Variants in ABR observed in about 807,000 individuals in gnomAD.
ABR encodes ABR activator of RhoGEF and GTPase.
In ABR, 35 loss-of-function variants were observed where a neutral mutation model predicts 107.2. The observed-to-expected ratio is 0.33, with a 90% CI of 0.25 to 0.43. The LOEUF is 0.43. Ranked by LOEUF, ABR falls within the 20% of genes least tolerant of loss-of-function variation. The pLI is 1.00. For synonymous variants in ABR, 498 were observed against 462.0 expected (o/e 1.08, Z -1.00); for missense variants, 815 against 1,115.2 (o/e 0.73, Z 3.83).
intron 1 of ABR, among the ~76,000 whole-genome samples, chr17:1,170,986 T>A (rs2041689601): frequency 6.6e-6 from 1 of 151,360 alleles, no homozygotes; most frequent in African/African-American, 2.4e-5. Flanking sequence ...CCCAGAGGGG[T>A]CTCTCTCCTA....
At chr17:1,160,723 C>T (rs952439620) in intron 1 of ABR, among the ~76,000 whole-genome samples, 13 of 152,190 alleles carry the variant, frequency 8.5e-5, no homozygotes, top group Admixed American at 5.9e-4. Context: ...GGGCCACCCC[C>T]GAGGAGCTCA....
intron 16 of ABR, among the ~76,000 whole-genome samples, chr17:1,021,773 G>A (rs1258677574): frequency 2.0e-5 from 3 of 149,736 alleles, no homozygotes; most frequent in Admixed American, 6.6e-5. Context: ...TTGTGCCACT[G>A]CACTCCAGCC....
At chr17:1,040,853 C>T (rs771059138) in intron 16 of ABR, among the ~76,000 whole-genome samples, 2 of 152,366 alleles carry the variant, frequency 1.3e-5, no homozygotes, top group African/African-American at 2.4e-5. Context: ...GAAAGCTAGA[C>T]TCAGCCCCGC....
intron 1 of ABR, among the ~76,000 whole-genome samples, chr17:1,218,197 C>CA (rs2043051070): frequency 6.6e-6 from 1 of 152,180 alleles, no homozygotes; most frequent in Admixed American, 6.5e-5. Context: ...AAGTGAGGTA[C>CA]AATGATCCCC....
At chr17:1,189,649 C>T (rs1267486317), upstream of ABR, among the ~76,000 whole-genome samples, 1 of 151,494 alleles carries the variant, frequency 6.6e-6, no homozygotes, top group African/African-American at 2.4e-5. Flanking sequence ...AAACGCTCTA[C>T]CCCCACTCTG....
chr17:1,113,381 G>A (rs947094504), intron 2 of ABR, among the ~76,000 whole-genome samples: 1 of 139,500 alleles, frequency 7.2e-6, no homozygotes, highest in Non-Finnish European at 1.5e-5. Flanking sequence ...CCGCCTCCTC[G>A]GTTCAACCCA....
intron 1 of ABR, among the ~76,000 whole-genome samples, chr17:1,146,269 AC>A (rs2040519829): frequency 1.4e-5 from 2 of 143,174 alleles, no homozygotes; most frequent in Non-Finnish European, 3.0e-5. Context: ...AGACACACAC[AC>A]ACACACACAC....
upstream of ABR, among the ~76,000 whole-genome samples, chr17:1,187,856 C>T (rs1193660617): frequency 1.3e-5 from 2 of 151,692 alleles, no homozygotes; most frequent in Admixed American, 6.6e-5. Context: ...ATCATGCCAC[C>T]GCACTCCAAT....
intron 2 of ABR, among the ~76,000 whole-genome samples, chr17:1,124,564 G>A (rs1368079845): frequency 2.0e-5 from 3 of 152,376 alleles, no homozygotes; most frequent in East Asian, 1.9e-4. Context: ...GACAAGGACC[G>A]CAAACCCTCC....
chr17:1,012,146 AC>A, intron 18 of ABR, 161 bp from the exon 19 acceptor site: 1 of 1,177,650 alleles, frequency 8.5e-7, no homozygotes, highest in Non-Finnish European at 1.2e-6. Context: ...ACCGCACCCC[AC>A]CCCAGCCAGC....
chr17:1,135,812 G>T (rs1567811611), intron 1 of ABR, among the ~76,000 whole-genome samples: 1 of 152,244 alleles, frequency 6.6e-6, no homozygotes, highest in Non-Finnish European at 1.5e-5. Context: ...GGAGGCGGAG[G>T]TTGCAGTGAG....
chr17:1,144,312 C>T (rs745672124), intron 1 of ABR, among the ~76,000 whole-genome samples: 9 of 152,176 alleles, frequency 5.9e-5, no homozygotes, highest in Non-Finnish European at 1.0e-4. Context: ...AGCTATCACA[C>T]ACCAGATGCA....
chr17:1,067,579 C>G (rs2258166), intron 9 of ABR, among the ~76,000 whole-genome samples: 30,868 of 152,170 alleles, frequency 0.2, 3,366 homozygotes, highest in South Asian at 0.25. Context: ...TATTCCCCAC[C>G]ACAATCCCCT....
At chr17:1,059,609 G>A (rs903124733) in intron 10 of ABR, among the ~76,000 whole-genome samples, 8 of 152,154 alleles carry the variant, frequency 5.3e-5, no homozygotes, top group Non-Finnish European at 7.3e-5. Context: ...ACCAGGTCCC[G>A]TCGGCTCAGC....
intron 16 of ABR, among the ~76,000 whole-genome samples, chr17:1,025,691 T>A: frequency 6.6e-6 from 1 of 152,214 alleles, no homozygotes; most frequent in Non-Finnish European, 1.5e-5. Flanking sequence ...CGTTCAAAAG[T>A]GATCCTCTCA....
Position 1,050,879 on chromosome 17 carries a change from C to T in ABR, c.1562-245G>A, listed in dbSNP as rs572861935. On this transcript the variant is annotated intron_variant, in intron 14 of 22. Coordinates refer to ENST00000302538, the MANE Select transcript of ABR (RefSeq NM_021962.5). This position sits in a 1 kb window ranked among gnomAD's most constrained non-coding sequence, Gnocchi z 4.6. ...GCCCTTCCTACCTCAGCCCTCCCCA[C>T]ACTCTGCCCTTCCCACCTCGGCCCT... is the stretch of plus-strand genomic sequence containing the variant. 2.0e-5 allele frequency among the ~76,000 whole-genome samples: 3 copies of T among 147,144 alleles called. No individual in the cohort carries two copies. The South Asian group carries it at 6.3e-4, about 31-fold the overall frequency.
intron 1 of ABR, among the ~76,000 whole-genome samples, chr17:1,206,960 C>T (rs569288689): frequency 8.9e-4 from 136 of 152,246 alleles, no homozygotes; most frequent in African/African-American, 3.2e-3. Flanking sequence ...TGGCATGCGC[C>T]TGTAATCCCA....
At chr17:1,168,759 G>C (rs944113305) in intron 1 of ABR, among the ~76,000 whole-genome samples, 1 of 152,236 alleles carries the variant, frequency 6.6e-6, no homozygotes, top group African/African-American at 2.4e-5. Context: ...GCTGCAGCAA[G>C]GTCCTCCGGC....
At position 1,041,511 on chromosome 17, in the gene ABR, G is replaced by A. The variant is rs192767627; in HGVS notation, c.1791+8539C>T. On this transcript the variant is annotated intron_variant, in intron 16 of 22. Transcript: ENST00000302538. ...GCACTTTGGGAGGCTGAGGCGGGTG[G>A]ATCACAAGGTCAGGAGTTCGAGACC... Among the ~76,000 whole-genome samples the A allele has an allele frequency of 5.4e-4, 82 of 152,106 alleles. No homozygotes were observed. The Middle Eastern group carries it at 0.017, about 32-fold the overall frequency.
Sources: gnomAD v4.1 joint callset for allele counts (sites outside exome capture counted in the v4.1 genomes callset) on GRCh38, gnomAD v4.1.1 for gene constraint, Gnocchi (gnomAD v3.1) non-coding constraint, MANE v1.5 for transcripts, NCBI Gene and HGNC (gene_info 2026-07-23, HGNC 2026-07-21) for gene names.